The following PITRM1 variants were observed in gnomAD, a reference collection of about 807,000 sequenced individuals.
PITRM1 encodes the protein pitrilysin metallopeptidase 1, also known as presequence protease, mitochondrial.
PITRM1 carries 100 observed loss-of-function variants against 129.9 expected under a neutral mutation model. The observed-to-expected ratio is 0.77, with a 90% CI of 0.65 to 0.91. PITRM1 has a LOEUF of 0.91. Among genes scored for constraint, PITRM1 ranks in the 40% least tolerant of loss-of-function variants. The pLI is 0.00. For synonymous variants in PITRM1, 591 were observed against 508.8 expected, an observed-to-expected ratio of 1.16 and a Z score of -2.17; for missense variants, 1,471 against 1,318.3, an observed-to-expected ratio of 1.12 and a Z score of -1.79.
rs1249764641 is a variant in PITRM1 at position 3,172,260 on chromosome 10, T to C, written c.56+457A>G. The C allele has an allele frequency of 8.7e-5, 40 of 461,016 alleles. 2 individuals are homozygous for C. In the Admixed American group the frequency reaches 9.4e-4, roughly 11 times the overall value. The allele number at this position is 461,016 out of a possible 1,614,324, so 28.6% of individuals were successfully genotyped here. On this transcript the variant is annotated intron_variant, in intron 1 of 26. Transcript: ENST00000224949. ...TTTTTTTCCCCATAAATTGAGTCATTAAAAAAACAAAACAGTTCAATTCCG... is the reference window on the plus strand; with the variant it reads ...TTTTTTTCCCCATAAATTGAGTCATCAAAAAAACAAAACAGTTCAATTCCG...
At chr10:3,160,801 C>A (rs1842386168) in intron 7 of PITRM1, among the ~76,000 whole-genome samples, 1 of 151,988 alleles carries the variant, frequency 6.6e-6, no homozygotes. Flanking sequence ...GCCCCGTCCC[C>A]CCAGGCTGGA....
chr10:3,157,562 C>T, intron 11 of PITRM1, 31 bp from the exon 12 acceptor site: 1 of 1,391,332 alleles, frequency 7.2e-7, no homozygotes, highest in Non-Finnish European at 1.0e-6. Context: ...CAAAGATGGG[C>T]CAGACACAAT....
chr10:3,157,223 A>G, intron 12 of PITRM1, 159 bp from the exon 13 acceptor site: 1 of 775,602 alleles, frequency 1.3e-6, no homozygotes, highest in Non-Finnish European at 1.9e-6. Context: ...TGGAGAAACA[A>G]AAAAACTTAC....
chr10:3,162,540 GCTGA>G lies in PITRM1; in HGVS notation c.791+1181_791+1184del, dbSNP rs985393351. Among the ~76,000 whole-genome samples the G allele has an allele frequency of 3.3e-5, 5 of 152,340 alleles. No individual in the cohort carries two copies. The East Asian group carries it at 9.6e-4, about 29-fold the overall frequency. ...AAAAGCAGATCTTCCCAAGGCAGTGGCTGACTCTCAGCATGGACCCCGCTGGTGT... is the reference window on the plus strand; with the variant it reads ...AAAAGCAGATCTTCCCAAGGCAGTGGCTCTCAGCATGGACCCCGCTGGTGT... On this transcript the variant is annotated intron_variant, in intron 7 of 26. Coordinates refer to ENST00000224949, the MANE Select transcript of PITRM1 (RefSeq NM_014889.4).
intron 25 of PITRM1, chr10:3,138,624 C>T (rs1181211983): frequency 4.9e-6 from 3 of 607,874 alleles, no homozygotes; most frequent in African/African-American, 1.8e-5. Context: ...GTGGCCATGC[C>T]CGGGCCGTGC....
At chr10:3,145,494 C>T (rs1840757465) in intron 21 of PITRM1, 102 bp downstream of exon 21, 2 of 971,880 alleles carry the variant, frequency 2.1e-6, no homozygotes, top group African/African-American at 1.6e-5. Context: ...TGAACCCCCA[C>T]ATGCTGGACT....
chr10:3,159,952 A>G lies in PITRM1; in HGVS notation c.919-16T>C, dbSNP rs768648137. 60 of 1,544,092 alleles carry G rather than the reference A, an allele frequency of 3.9e-5. No individual in the cohort carries two copies. Among genetic ancestry groups the G allele is most frequent in the Non-Finnish European group, 5.2e-5 (59 of 1,128,114 alleles). The stretch of plus-strand genomic sequence containing the variant: ...GGAATTCCCTCTGTAAAATGACGTG[A>G]CGTTGTGAGTAGGCACAGTGTCTGA... On this transcript the variant is annotated splice_polypyrimidine_tract_variant and intron_variant, in intron 8 of 26. Transcript: ENST00000224949.
rs182598213 is a variant in PITRM1, at chr10:3,162,134, G to C, written c.791+1591C>G. Among the ~76,000 whole-genome samples, 13 of 148,894 alleles carry C rather than the reference G, an allele frequency of 8.7e-5. No individual in the cohort carries two copies. In the South Asian group the frequency reaches 1.5e-3, roughly 17 times the overall value. ...GATCATGCCACTGTACTCCAGCCTG[G>C]GGGACAGAACCAGACCCTGTCTTTA... On this transcript the variant is annotated intron_variant, in intron 7 of 26. Coordinates refer to ENST00000224949, the MANE Select transcript of PITRM1 (RefSeq NM_014889.4).
chr10:3,155,232 G>A (rs1258844941), intron 14 of PITRM1, among the ~76,000 whole-genome samples: 1 of 152,122 alleles, frequency 6.6e-6, no homozygotes, highest in Admixed American at 6.5e-5. Context: ...CCTGAGACAG[G>A]CCTCTTCCCA....
chr10:3,162,789 G>C (rs1842556994), intron 7 of PITRM1, among the ~76,000 whole-genome samples: 1 of 152,240 alleles, frequency 6.6e-6, no homozygotes, highest in African/African-American at 2.4e-5. Context: ...AAGAAACTGG[G>C]CCTGCACACT....
At chr10:3,163,920 A>C (rs1210204807) in intron 6 of PITRM1, 35 bp from the exon 7 acceptor site, 1 of 1,448,556 alleles carries the variant, frequency 6.9e-7, no homozygotes, top group Admixed American at 1.9e-5. Context: ...ATAAGTATAC[A>C]TGTAAAATAA....
intron 18 of PITRM1, 61 bp from the exon 19 acceptor site, chr10:3,147,798 A>G: frequency 2.1e-6 from 3 of 1,457,732 alleles, no homozygotes; most frequent in South Asian, 1.3e-5. Flanking sequence ...CTTCAGTATC[A>G]TGGAAAGTTG....
chr10:3,146,255 T>C (rs1216670344), intron 20 of PITRM1: 1 of 153,878 alleles, frequency 6.5e-6, no homozygotes, highest in African/African-American at 2.4e-5. Flanking sequence ...GTGTATATTT[T>C]TTCCTTTCAG....
At chr10:3,171,147 TAAAAAAAA>T (rs1169315061) in intron 1 of PITRM1, among the ~76,000 whole-genome samples, 5 of 49,204 alleles carry the variant, frequency 1.0e-4, no homozygotes, top group South Asian at 7.3e-4. Context: ...ATCGTTCAAT[TAAAAAAAA>T]AAAAAAAAAA....
At chr10:3,156,773 ATAAT>A (rs1258841757) in intron 13 of PITRM1, among the ~76,000 whole-genome samples, 153 bp downstream of exon 13, 4 of 152,352 alleles carry the variant, frequency 2.6e-5, no homozygotes, top group African/African-American at 4.8e-5. Flanking sequence ...AATCTGGAAA[ATAAT>A]TAAGTTAATG....
Position 3,163,757 on chromosome 10 carries a change from A to T in PITRM1, c.759T>A (p.Phe253Leu). Residue 253 changes from phenylalanine to leucine, a missense_variant, in exon 7 of 27, where the codon TTT becomes TTA. Phe to Leu is a conservative substitution (Grantham distance 22). Coordinates refer to ENST00000224949, the MANE Select transcript of PITRM1 (RefSeq NM_014889.4). ...PELTWEQLKQ[F>L]HATHYHPSNA... ...TGCTTGGGTGATAGTGAGTGGCATG[A>T]AACTGCTTAAGCTGCTCCCATGTAA... The T allele has an allele frequency of 1.9e-6, 3 of 1,612,386 alleles. No homozygotes were observed. The African/African-American group carries it at 4.0e-5, about 21-fold the overall frequency.
intron 20 of PITRM1, chr10:3,145,958 A>T (rs998086480): frequency 6.3e-6 from 3 of 479,810 alleles, no homozygotes; most frequent in Non-Finnish European, 1.1e-5. Context: ...GGAGCCTGTG[A>T]CTCTAAACTC....
chr10:3,156,706 TA>T (rs1842011999), intron 13 of PITRM1, among the ~76,000 whole-genome samples: 1 of 152,218 alleles, frequency 6.6e-6, no homozygotes, highest in African/African-American at 2.4e-5. Context: ...AACATACATA[TA>T]TTCACACACT....
intron 13 of PITRM1, among the ~76,000 whole-genome samples, 172 bp from the exon 14 acceptor site, chr10:3,155,901 A>G (rs1188218274): frequency 6.6e-6 from 1 of 152,210 alleles, no homozygotes; most frequent in East Asian, 1.9e-4. Context: ...GCAAGTACAC[A>G]AGCCTTATAA....
Sources: allele counts gnomAD v4.1 joint callset (sites outside exome capture counted in the v4.1 genomes callset), GRCh38; gene constraint gnomAD v4.1.1; transcripts MANE v1.5; gene names NCBI Gene and HGNC (gene_info 2026-07-23, HGNC 2026-07-21).